GDAP1: variants seen among roughly 807,000 people sequenced by gnomAD.
The protein encoded by GDAP1 is ganglioside induced differentiation associated protein 1.
GDAP1 carries 34 observed loss-of-function variants against 40.1 expected under a neutral mutation model. The observed-to-expected ratio is 0.85, with a 90% CI of 0.64 to 1.13. GDAP1 has a LOEUF of 1.13. Ranked by LOEUF, GDAP1 falls within the 50% of genes most tolerant of loss-of-function variation. The pLI is 0.00. For synonymous variants in GDAP1, 170 were observed against 157.4 expected (o/e 1.08, Z -0.60); for missense variants, 374 against 433.7 (o/e 0.86, Z 1.22).
At chr8:74,395,190 A>G (rs1586820311) in intron 2 of GDAP1, among the ~76,000 whole-genome samples, 1 of 152,216 alleles carries the variant, frequency 6.6e-6, no homozygotes, top group South Asian at 2.1e-4. Flanking sequence ...GGCTTTGATC[A>G]GAATTTTTAA....
chr8:74,401,920 G>T (rs575804285), intron 2 of GDAP1, among the ~76,000 whole-genome samples: 2 of 150,136 alleles, frequency 1.3e-5, no homozygotes. Context: ...TGTAAGTTTT[G>T]TCTCAGAGGA....
chr8:74,484,661 G>A (rs138673380), intron 2 of GDAP1, among the ~76,000 whole-genome samples: 62 of 152,112 alleles, frequency 4.1e-4, no homozygotes, highest in African/African-American at 1.5e-3. Flanking sequence ...CCACATTACT[G>A]CTCCTGGGAA....
At chr8:74,436,045 A>T (rs1357694731) in intron 2 of GDAP1, among the ~76,000 whole-genome samples, 17 of 152,232 alleles carry the variant, frequency 1.1e-4, no homozygotes. Flanking sequence ...GCTGTTAATA[A>T]AAAGCAGGCA....
rs1809654116 is a variant in GDAP1, at chr8:74,366,704, C to T, written c.*2337C>T. ...TATTGCAGCAGATGCCTTTTGAATC[C>T]ATTTTCCATAATTGCGGATAGTCAT... is the stretch of plus-strand genomic sequence containing the variant. On this transcript the variant is annotated 3_prime_UTR_variant, in exon 6 of 6. Coordinates refer to ENST00000220822, the MANE Select transcript of GDAP1 (RefSeq NM_018972.4). 4 of 452,456 alleles carry T rather than the reference C, an allele frequency of 8.8e-6. No homozygotes were observed. Among genetic ancestry groups the T allele is most frequent in the African/African-American group, 2.0e-5 (1 of 50,038 alleles). 28.0% of individuals were successfully genotyped at this position (452,456 alleles called of 1,614,324 possible). A position where few individuals can be genotyped will look rare whatever the true frequency, so the allele number is the denominator to read the frequency against.
At position 74,365,347 on chromosome 8, in the gene GDAP1, A is replaced by G. The variant is rs926298454; in HGVS notation, c.*980A>G. 2.2e-6 allele frequency: 1 copy of G among 454,036 alleles called. No individual in the cohort carries two copies. Among genetic ancestry groups the G allele is most frequent in the Non-Finnish European group, 4.4e-6 (1 of 226,790 alleles). The allele number at this position is 454,036 out of a possible 1,614,324, so 28.1% of individuals were successfully genotyped here. A position where few individuals can be genotyped will look rare whatever the true frequency, so the allele number is the denominator to read the frequency against. The stretch of plus-strand genomic sequence containing the variant: ...GCACTTGGCAGTTAATCTAGGGAAG[A>G]TGAATTAAATGGGTAGATAGTGATG... On this transcript the variant is annotated 3_prime_UTR_variant, in exon 6 of 6. Coordinates refer to ENST00000220822, the MANE Select transcript of GDAP1 (RefSeq NM_018972.4).
chr8:74,402,411 C>T (rs567140759), intron 2 of GDAP1, among the ~76,000 whole-genome samples: 8 of 150,550 alleles, frequency 5.3e-5, no homozygotes, highest in South Asian at 4.1e-4. Context: ...TTCGGAAAAG[C>T]GCAGTGTTAG....
intron 2 of GDAP1, among the ~76,000 whole-genome samples, chr8:74,402,083 G>T (rs537293556): frequency 6.7e-6 from 1 of 150,296 alleles, no homozygotes; most frequent in South Asian, 2.1e-4. Context: ...TCTCTTCAAA[G>T]CTGTCAGACA....
At chr8:74,407,295 T>G (rs1380497623) in intron 2 of GDAP1, among the ~76,000 whole-genome samples, 1 of 149,694 alleles carries the variant, frequency 6.7e-6, no homozygotes, top group Non-Finnish European at 1.5e-5. Flanking sequence ...TCAACTTGAT[T>G]GAATCGAAGT....
At chr8:74,447,827 T>C (rs60549371) in intron 2 of GDAP1, among the ~76,000 whole-genome samples, 28,892 of 152,156 alleles carry the variant, frequency 0.19, 4,260 homozygotes, top group African/African-American at 0.41. Flanking sequence ...AACAATATTA[T>C]ATAAAATGAC....
Position 74,386,563 on chromosome 8 carries a change from T to C in GDAP1, c.165+35242T>C, listed in dbSNP as rs184252528. Among the ~76,000 whole-genome samples, 1,017 of 152,330 alleles carry C rather than the reference T, an allele frequency of 6.7e-3. 10 individuals carry two copies. Among genetic ancestry groups the C allele is most frequent in the African/African-American group, 0.023 (945 of 41,572 alleles). ...CTCTATATCTCTGTTTTGGTACCAG[T>C]ACCATGCGATTTTTGTTACTGTAGC... is the stretch of plus-strand genomic sequence containing the variant. On this transcript the variant is annotated intron_variant, in intron 2 of 2. Transcript: ENST00000523640.
In GDAP1 at chr8:74,441,385, A is replaced by T. The variant is rs1042940430; in HGVS notation, c.166-47293A>T. Among the ~76,000 whole-genome samples, 33 of 152,138 alleles carry T rather than the reference A, an allele frequency of 2.2e-4. 1 individual carries two copies. The highest frequency in any genetic ancestry group is 2.6e-4 in the Admixed American group (4 of 15,274). ...CATCAAATGGATGAAGAACATATAG[A>T]TTTAGCAGCTAATAAGCAAGCTGAT... On this transcript the variant is annotated intron_variant, in intron 2 of 2. Coordinates refer to the GDAP1 transcript ENST00000523640.
At position 74,365,153 on chromosome 8, in the gene GDAP1, C is replaced by T; in HGVS notation, c.*786C>T. The T allele has an allele frequency of 4.4e-6, 2 of 454,090 alleles. No individual in the cohort carries two copies. The highest frequency in any genetic ancestry group is 4.4e-6 in the Non-Finnish European group (1 of 226,798). The allele number at this position is 454,090 out of a possible 1,614,324, so 28.1% of individuals were successfully genotyped here. On this transcript the variant is annotated 3_prime_UTR_variant, in exon 6 of 6. Coordinates refer to ENST00000220822, the MANE Select transcript of GDAP1 (RefSeq NM_018972.4). Reference sequence around the variant, plus strand: ...TTTAGGTGAATGTCCCAGCTAATCACTAGCATGTCTAGGTATTGGCTGGGT... The same window carrying T: ...TTTAGGTGAATGTCCCAGCTAATCATTAGCATGTCTAGGTATTGGCTGGGT...
intron 2 of GDAP1, among the ~76,000 whole-genome samples, chr8:74,399,316 G>T (rs1810274971): frequency 6.7e-6 from 1 of 149,968 alleles, no homozygotes; most frequent in East Asian, 1.9e-4. Flanking sequence ...ATTTCTTCTA[G>T]ATTTTCTAGT....
At chr8:74,482,823 A>AAT (rs1317035910) in intron 2 of GDAP1, among the ~76,000 whole-genome samples, 1 of 152,174 alleles carries the variant, frequency 6.6e-6, no homozygotes, top group Non-Finnish European at 1.5e-5. Flanking sequence ...TTTTCATTAC[A>AAT]ATTAGTTTCT....
chr8:74,375,143 A>G lies in GDAP1; in HGVS notation c.165+23822A>G, dbSNP rs529101747. Among the ~76,000 whole-genome samples the G allele has an allele frequency of 1.8e-4, 28 of 152,276 alleles. 1 individual carries two copies. Among genetic ancestry groups the G allele is most frequent in the Admixed American group, 5.2e-4 (8 of 15,296 alleles). ...GGAGTTGGAGACCAGCCTGGCCAAC[A>G]TGGTGAAACTCTGTCTCTACTAAAA... On this transcript the variant is annotated intron_variant, in intron 2 of 2. Coordinates refer to the GDAP1 transcript ENST00000523640.
Position 74,366,657 on chromosome 8 carries a change from TAACAC to T in GDAP1, c.*2292_*2296del. 2.2e-6 allele frequency: 1 copy of T among 453,800 alleles called. No individual in the cohort carries two copies. Among genetic ancestry groups the T allele is most frequent in the South Asian group, 1.6e-5 (1 of 64,416 alleles). The allele number at this position is 453,800 out of a possible 1,614,324, so 28.1% of individuals were successfully genotyped here. On this transcript the variant is annotated 3_prime_UTR_variant, in exon 6 of 6. Coordinates refer to ENST00000220822, the MANE Select transcript of GDAP1 (RefSeq NM_018972.4). ...AAAGTTATGTTGGCTTTTTGTGTCTTAACACACATAAATACTATTGTTATTGCAGC... is the reference window on the plus strand; with the variant it reads ...AAAGTTATGTTGGCTTTTTGTGTCTTACATAAATACTATTGTTATTGCAGC...
At chr8:74,358,642 G>C (rs1239284545) in intron 2 of GDAP1, among the ~76,000 whole-genome samples, 2 of 152,302 alleles carry the variant, frequency 1.3e-5, no homozygotes, top group South Asian at 4.1e-4. Flanking sequence ...ACTTGAGAGA[G>C]AATAAGAGTG....
chr8:74,428,159 G>A (rs887810289), intron 2 of GDAP1, among the ~76,000 whole-genome samples: 2 of 152,100 alleles, frequency 1.3e-5, no homozygotes, highest in African/African-American at 2.4e-5. Flanking sequence ...TCAGGAAGCC[G>A]ACATAGGAGG....
chr8:74,374,695 A>G (rs1809821867), intron 2 of GDAP1, among the ~76,000 whole-genome samples: 1 of 152,198 alleles, frequency 6.6e-6, no homozygotes, highest in Non-Finnish European at 1.5e-5. Context: ...AGAGTTTAAT[A>G]AGAAAATTAA....
Sources: allele counts gnomAD v4.1 joint callset (sites outside exome capture counted in the v4.1 genomes callset), GRCh38; gene constraint gnomAD v4.1.1; transcripts MANE v1.5; gene names NCBI Gene and HGNC (gene_info 2026-07-23, HGNC 2026-07-21).